The following AKAP7 variants were observed in gnomAD, a reference collection of about 807,000 sequenced individuals.
AKAP7 encodes the protein A-kinase anchoring protein 7.
AKAP7 carries 39 observed loss-of-function variants against 39.5 expected under a neutral mutation model. The ratio of observed to expected loss-of-function variants is 0.99; its 90% CI spans 0.76 to 1.29. The LOEUF (loss-of-function observed/expected upper bound fraction) is 1.29. Among genes scored for constraint, AKAP7 ranks in the 50% most tolerant of loss-of-function variants. AKAP7 has a pLI of 0.00. For missense variants in AKAP7, 414 were observed against 407.7 expected, an observed-to-expected ratio of 1.02 and a Z score of -0.13; for synonymous variants, 140 against 139.1, an observed-to-expected ratio of 1.01 and a Z score of -0.05.
chr6:131,248,900 T>C (rs1812235516), intron 7 of AKAP7, among the ~76,000 whole-genome samples: 1 of 152,240 alleles, frequency 6.6e-6, no homozygotes, highest in African/African-American at 2.4e-5. Context: ...GAGTTTAAAG[T>C]TGCTGTTTAT....
At chr6:131,179,773 G>A (rs1408772160) in intron 5 of AKAP7, among the ~76,000 whole-genome samples, 1 of 152,072 alleles carries the variant, frequency 6.6e-6, no homozygotes, top group Non-Finnish European at 1.5e-5. Context: ...GATGGCTGAG[G>A]TGGAAGGATT....
upstream of AKAP7, among the ~76,000 whole-genome samples, chr6:131,133,185 G>A (rs1206354269): frequency 1.3e-5 from 2 of 152,078 alleles, no homozygotes; most frequent in African/African-American, 2.4e-5. Context: ...TTAGAGTAAG[G>A]AGACTAAGGA....
At chr6:131,234,910 CT>C (rs530607325) in intron 7 of AKAP7, among the ~76,000 whole-genome samples, 1 of 151,224 alleles carries the variant, frequency 6.6e-6, no homozygotes, top group Non-Finnish European at 1.5e-5. Flanking sequence ...ATTATTATTT[CT>C]TTTTTTTATT....
At chr6:131,243,458 A>AT (rs1434498858) in intron 7 of AKAP7, among the ~76,000 whole-genome samples, 1 of 152,200 alleles carries the variant, frequency 6.6e-6, no homozygotes, top group African/African-American at 2.4e-5. Flanking sequence ...ACCATGACAG[A>AT]TTTTGAGACC....
intron 7 of AKAP7, among the ~76,000 whole-genome samples, chr6:131,255,288 AG>A (rs1464668666): frequency 6.6e-6 from 1 of 152,194 alleles, no homozygotes; most frequent in African/African-American, 2.4e-5. Flanking sequence ...TTGTCGATGA[AG>A]GGAATGATAC....
intron 7 of AKAP7, among the ~76,000 whole-genome samples, chr6:131,261,252 A>T (rs1452023828): frequency 6.6e-6 from 1 of 152,054 alleles, no homozygotes; most frequent in African/African-American, 2.4e-5. Context: ...TGGCTTTAAG[A>T]CCAACAAATA....
At chr6:131,181,968 A>G in intron 5 of AKAP7, among the ~76,000 whole-genome samples, 1 of 152,134 alleles carries the variant, frequency 6.6e-6, no homozygotes, top group Non-Finnish European at 1.5e-5. Flanking sequence ...TACTAAAAAT[A>G]CAAAAACATT....
At chr6:131,181,417 C>T (rs1325113800) in intron 5 of AKAP7, among the ~76,000 whole-genome samples, 1 of 152,194 alleles carries the variant, frequency 6.6e-6, no homozygotes, top group East Asian at 1.9e-4. Context: ...CTTTCTGTTC[C>T]TATTGCTGTG....
chr6:131,197,745 C>G (rs1259529681), intron 5 of AKAP7, among the ~76,000 whole-genome samples: 2 of 152,100 alleles, frequency 1.3e-5, no homozygotes, highest in Non-Finnish European at 2.9e-5. Flanking sequence ...GTTTCCATGT[C>G]TCTACTTGTT....
At chr6:131,229,353 G>A (rs1810452476) in intron 7 of AKAP7, among the ~76,000 whole-genome samples, 1 of 152,014 alleles carries the variant, frequency 6.6e-6, no homozygotes, top group Admixed American at 6.6e-5. Flanking sequence ...GTTTTGTTTT[G>A]TTTTGTTTTG....
chr6:131,232,540 G>A (rs1052267900), intron 7 of AKAP7, among the ~76,000 whole-genome samples: 7 of 152,058 alleles, frequency 4.6e-5, no homozygotes, highest in Admixed American at 1.3e-4. Context: ...TTATGAAATC[G>A]TTACTGGCCG....
intron 7 of AKAP7, among the ~76,000 whole-genome samples, chr6:131,262,328 G>T (rs1008466996): frequency 1.3e-5 from 2 of 152,130 alleles, no homozygotes; most frequent in African/African-American, 4.8e-5. Flanking sequence ...AGAAATAAGT[G>T]AGTTGAGTCC....
At chr6:131,170,341 T>C (rs959513644) in intron 5 of AKAP7, among the ~76,000 whole-genome samples, 1 of 149,746 alleles carries the variant, frequency 6.7e-6, no homozygotes, top group Non-Finnish European at 1.5e-5. Flanking sequence ...TCTATAGGAA[T>C]GAATAGAGCA....
chr6:131,166,829 G>A (rs569699354), intron 4 of AKAP7, among the ~76,000 whole-genome samples: 2 of 152,242 alleles, frequency 1.3e-5, no homozygotes, highest in Non-Finnish European at 2.9e-5. Flanking sequence ...TATACTGTAT[G>A]TTAGACATCT....
chr6:131,164,761 A>G (rs1309207034), intron 3 of AKAP7, among the ~76,000 whole-genome samples: 1 of 152,158 alleles, frequency 6.6e-6, no homozygotes, highest in Non-Finnish European at 1.5e-5. Context: ...CCAAGGACAA[A>G]TTTCTGAAAA....
intron 7 of AKAP7, among the ~76,000 whole-genome samples, chr6:131,253,514 A>C (rs867560407): frequency 1.4e-4 from 21 of 152,130 alleles, no homozygotes; most frequent in African/African-American, 4.8e-4. Context: ...GTTTTTAACT[A>C]TAGTCACCTT....
intron 2 of AKAP7, among the ~76,000 whole-genome samples, chr6:131,147,511 C>A (rs1048078330): frequency 1.3e-5 from 2 of 152,186 alleles, no homozygotes; most frequent in Non-Finnish European, 2.9e-5. Flanking sequence ...GAAACCTTCA[C>A]TGAAGAATTT....
At chr6:131,261,133 T>C (rs966436292) in intron 7 of AKAP7, among the ~76,000 whole-genome samples, 36 of 151,426 alleles carry the variant, frequency 2.4e-4, no homozygotes, top group African/African-American at 7.8e-4. Flanking sequence ...GAGGTGGAGG[T>C]TGCAGTGAGC....
chr6:131,201,988 C>G (rs1470418476), intron 6 of AKAP7, among the ~76,000 whole-genome samples: 2 of 152,104 alleles, frequency 1.3e-5, no homozygotes, highest in African/African-American at 4.8e-5. Flanking sequence ...GACATTTATG[C>G]AGCCAAAAAA....
Sources: gnomAD v4.1 joint callset for allele counts (sites outside exome capture counted in the v4.1 genomes callset) on GRCh38, gnomAD v4.1.1 for gene constraint, MANE v1.5 for transcripts, NCBI Gene and HGNC (gene_info 2026-07-23, HGNC 2026-07-21) for gene names.